Variants in POLR1A observed in about 807,000 individuals in gnomAD.
The protein encoded by POLR1A is RNA polymerase I subunit A, also known as DNA-directed RNA polymerase I subunit RPA1.
A neutral mutation model predicts 205.3 loss-of-function variants in POLR1A; 84 were observed. That is an observed-to-expected ratio of 0.41 (90% CI 0.34 to 0.49). POLR1A has a LOEUF of 0.49. Among genes scored for constraint, POLR1A ranks in the 20% least tolerant of loss-of-function variants. The pLI is 0.22. For synonymous variants in POLR1A, 799 were observed against 863.7 expected, an observed-to-expected ratio of 0.93 and a Z score of 1.31; for missense variants, 1,645 against 2,204.5, an observed-to-expected ratio of 0.75 and a Z score of 5.08.
chr2:86,031,748 C>CAGCCAAGGCTTTGCAGGGGTCTTTGTT, intron 29 of POLR1A, 113 bp from the exon 30 acceptor site: 1 of 1,378,928 alleles, frequency 7.3e-7, no homozygotes, highest in Non-Finnish European at 9.9e-7. Flanking sequence ...CTACCTAGGC[C>CAGCCAAGGCTTTGCAGGGGTCTTTGTT]CCACCTGCTC....
intron 17 of POLR1A, 46 bp downstream of exon 17, chr2:86,049,114 A>G (rs758737584): frequency 2.5e-6 from 4 of 1,610,778 alleles, no homozygotes; most frequent in Admixed American, 3.3e-5. Context: ...CTCAGCACAC[A>G]CTTCACCCCT....
intron 2 of POLR1A, 65 bp downstream of exon 2, chr2:86,099,901 GGA>G (rs1180187862): frequency 3.0e-6 from 4 of 1,317,444 alleles, no homozygotes; most frequent in Non-Finnish European, 4.4e-6. Context: ...CACTCTTGTG[GGA>G]GAGAGGCAGC....
chr2:86,102,121 A>G (rs888641057), intron 1 of POLR1A, among the ~76,000 whole-genome samples: 2 of 152,140 alleles, frequency 1.3e-5, no homozygotes, highest in African/African-American at 2.4e-5. Flanking sequence ...TCTCTTTGAG[A>G]CCCTACTTTC....
rs533579110 is a variant in POLR1A, at chr2:86,087,137, T to C, written c.730+1429A>G. ...ACAAATGCACCATGGTAATCTACTATGTTATACAGTAGGGCAAATGAAGTA... is the reference window on the plus strand; with the variant it reads ...ACAAATGCACCATGGTAATCTACTACGTTATACAGTAGGGCAAATGAAGTA... On this transcript the variant is annotated intron_variant, in intron 6 of 33. Coordinates refer to ENST00000263857, the MANE Select transcript of POLR1A (RefSeq NM_015425.6). 7.2e-5 allele frequency among the ~76,000 whole-genome samples: 11 copies of C among 152,372 alleles called. 1 individual carries two copies. The South Asian group carries it at 2.3e-3, about 32-fold the overall frequency.
At position 86,085,650 on chromosome 2, in the gene POLR1A, C is replaced by T. The variant is rs183576979; in HGVS notation, c.731-2482G>A. On this transcript the variant is annotated intron_variant, in intron 6 of 33. Transcript: ENST00000263857. ...AATGCCCCCACTGCAGTTTAGTCAC[C>T]GTGAAGGCAGAGGCTGTTCTTCAAT... Among the ~76,000 whole-genome samples, 25 of 152,274 alleles carry T rather than the reference C, an allele frequency of 1.6e-4. No individual in the cohort carries two copies. The East Asian group carries it at 4.6e-3, about 28-fold the overall frequency.
intron 1 of POLR1A, among the ~76,000 whole-genome samples, chr2:86,102,839 T>C (rs895175064): frequency 1.3e-5 from 2 of 152,216 alleles, no homozygotes; most frequent in African/African-American, 2.4e-5. Flanking sequence ...CTTTGCCACT[T>C]CCTAGAGAGA....
chr2:86,069,954 C>T, intron 13 of POLR1A, 64 bp downstream of exon 13: 1 of 1,543,924 alleles, frequency 6.5e-7, no homozygotes, highest in Non-Finnish European at 8.7e-7. Context: ...GCTGGCAGGG[C>T]CCAACTTAAA....
In POLR1A at chr2:86,065,378, G is replaced by A. The variant is rs1475154187; in HGVS notation, c.1954C>T (p.His652Tyr). Residue 652 changes from histidine (H) to tyrosine (Y), a missense_variant, in exon 14 of 34, where the codon CAC becomes TAC. By Grantham distance (83) the His-to-Tyr change is moderately conservative. Transcript: ENST00000263857. ...TTRGCFFTRE[H>Y]YMELVYRGLT... ...CCTCGGTACACCAGCTCCATATAGT[G>A]CTCCCGGGTGAAAAAGCAACCCCGA... is the stretch of plus-strand genomic sequence containing the variant. The A allele has an allele frequency of 6.2e-7, 1 of 1,614,126 alleles. No individual in the cohort carries two copies. The highest frequency in any genetic ancestry group is 8.5e-7 in the Non-Finnish European group (1 of 1,179,988).
rs1193436993 is a variant in POLR1A at position 86,027,108 on chromosome 2, G to C, written c.*315C>G. ...AATCGTGAATCAGGACTTCTCCTTA[G>C]GGGTTATGCCACAGAGGCCTCCTGC... On this transcript the variant is annotated 3_prime_UTR_variant, in exon 34 of 34. Transcript: ENST00000263857. 3 of 399,636 alleles carry C rather than the reference G, an allele frequency of 7.5e-6. No homozygotes were observed. Among genetic ancestry groups the C allele is most frequent in the East Asian group, 8.8e-5 (2 of 22,826 alleles). 24.8% of individuals were successfully genotyped at this position (399,636 alleles called of 1,614,324 possible). A position where few individuals can be genotyped will look rare whatever the true frequency, so the allele number is the denominator to read the frequency against.
intron 6 of POLR1A, among the ~76,000 whole-genome samples, chr2:86,085,164 T>A (rs955111378): frequency 2.6e-5 from 4 of 152,170 alleles, no homozygotes; most frequent in African/African-American, 9.7e-5. Context: ...GGTTTCACCG[T>A]GTTAGCCAGG....
At chr2:86,034,411 ATAACT>A (rs1008513903) in intron 27 of POLR1A, among the ~76,000 whole-genome samples, 1 of 152,230 alleles carries the variant, frequency 6.6e-6, no homozygotes, top group Admixed American at 6.5e-5. Flanking sequence ...AAGGGCAGAG[ATAACT>A]TAGCTTGTGG....
At chr2:86,053,764 T>C (rs531459199) in intron 15 of POLR1A, among the ~76,000 whole-genome samples, 1 of 152,300 alleles carries the variant, frequency 6.6e-6, no homozygotes, top group African/African-American at 2.4e-5. Context: ...CCTGGGCCTG[T>C]CCTTTTGTGG....
rs4832233 is a variant in POLR1A at position 86,021,186 on chromosome 2, T to C, written c.*6237A>G. 0.73 allele frequency: 111,725 copies of C among 152,262 alleles called. 42,058 individuals are homozygous for C. Among genetic ancestry groups the C allele is most frequent in the African/African-American group, 0.9 (37,380 of 41,580 alleles). 9.4% of individuals were successfully genotyped at this position (152,262 alleles called of 1,614,324 possible). A position where few individuals can be genotyped will look rare whatever the true frequency, so the allele number is the denominator to read the frequency against. On this transcript the variant is annotated 3_prime_UTR_variant, in exon 34 of 34. Coordinates refer to ENST00000263857, the MANE Select transcript of POLR1A (RefSeq NM_015425.6). Reference sequence around the variant, plus strand: ...GCTGAGGACTGTGGTGTCTGAAACTTTGTCACATGGGAGGCTACAGGCCCG... The same window carrying C: ...GCTGAGGACTGTGGTGTCTGAAACTCTGTCACATGGGAGGCTACAGGCCCG...
intron 14 of POLR1A, among the ~76,000 whole-genome samples, chr2:86,063,817 T>G (rs1336641317): frequency 6.6e-6 from 1 of 152,040 alleles, no homozygotes; most frequent in Non-Finnish European, 1.5e-5. Flanking sequence ...CTTTTTCTTC[T>G]TTTCAACCTA....
At chr2:86,034,175 C>T (rs536089437) in intron 27 of POLR1A, among the ~76,000 whole-genome samples, 1 of 152,310 alleles carries the variant, frequency 6.6e-6, no homozygotes, top group African/African-American at 2.4e-5. Flanking sequence ...AGAGTGCGTG[C>T]TTGGTGAAGG....
At chr2:86,042,124 C>T (rs772753762) in intron 23 of POLR1A, 21 bp from the exon 24 acceptor site, 1 of 1,564,334 alleles carries the variant, frequency 6.4e-7, no homozygotes, top group South Asian at 1.1e-5. Flanking sequence ...GGATGGGTCT[C>T]AGCTATGTGG....
chr2:86,071,189 A>G (rs2104413737), intron 12 of POLR1A, among the ~76,000 whole-genome samples: 1 of 151,082 alleles, frequency 6.6e-6, no homozygotes, highest in African/African-American at 2.4e-5. Context: ...AAAAAAAACA[A>G]TTTAAAAACC....
chr2:86,036,095 G>A (rs746955323), intron 27 of POLR1A, among the ~76,000 whole-genome samples: 18 of 152,282 alleles, frequency 1.2e-4, no homozygotes, highest in Non-Finnish European at 1.9e-4. Context: ...GAAGCCTCCC[G>A]TCCCACGTAA....
chr2:86,083,290 T>C (rs1673438371), intron 6 of POLR1A, 122 bp from the exon 7 acceptor site: 1 of 713,860 alleles, frequency 1.4e-6, no homozygotes, highest in African/African-American at 1.8e-5. Context: ...ATCTCAAGGG[T>C]AGCATATTAT....
Sources: gnomAD v4.1 joint callset for allele counts (sites outside exome capture counted in the v4.1 genomes callset) on GRCh38, gnomAD v4.1.1 for gene constraint, MANE v1.5 for transcripts, NCBI Gene and HGNC (gene_info 2026-07-23, HGNC 2026-07-21) for gene names.